Variants in NTRK2 observed in about 807,000 individuals in gnomAD.
NTRK2 encodes the protein neurotrophic receptor tyrosine kinase 2, also known as BDNF/NT-3 growth factors receptor.
Under a neutral mutation model 94.5 loss-of-function variants are expected in NTRK2, and 13 were observed. The ratio of observed to expected loss-of-function variants is 0.14; its 90% CI spans 0.09 to 0.22. The LOEUF (loss-of-function observed/expected upper bound fraction) is 0.22, where lower values mean the gene tolerates loss of function less well. Among genes scored for constraint, NTRK2 ranks in the 10% least tolerant of loss-of-function variants. NTRK2 has a pLI of 1.00. For missense variants in NTRK2, 639 were observed against 1,071.2 expected, an observed-to-expected ratio of 0.60 and a Z score of 5.63; for synonymous variants, 372 against 407.4, an observed-to-expected ratio of 0.91 and a Z score of 1.05.
chr9:85,017,899 C>T (rs1250322520), intron 17 of NTRK2, among the ~76,000 whole-genome samples: 1 of 152,044 alleles, frequency 6.6e-6, no homozygotes, highest in Admixed American at 6.5e-5. Flanking sequence ...CTGACATGAA[C>T]AATGATGAAA....
At chr9:84,704,074 A>T (rs2060893035) in intron 4 of NTRK2, among the ~76,000 whole-genome samples, 1 of 152,184 alleles carries the variant, frequency 6.6e-6, no homozygotes, top group Non-Finnish European at 1.5e-5. Context: ...TGTGATTTGG[A>T]CAGTGGGCTC....
chr9:84,971,179 A>G (rs1173158828), intron 17 of NTRK2, among the ~76,000 whole-genome samples: 3 of 152,242 alleles, frequency 2.0e-5, no homozygotes, highest in Non-Finnish European at 4.4e-5. Context: ...GAAAGAATCA[A>G]AATAGGAATT....
chr9:84,864,382 AGGCTACACATTGGGTAC>A (rs1173312786), intron 13 of NTRK2, among the ~76,000 whole-genome samples: 10 of 152,152 alleles, frequency 6.6e-5, no homozygotes, highest in Non-Finnish European at 1.3e-4. Flanking sequence ...GAGGGATAAA[AGGCTACACATTGGGTAC>A]GGTGTTGCTG....
At chr9:84,681,413 C>A (rs1469774336) in intron 2 of NTRK2, among the ~76,000 whole-genome samples, 2 of 152,114 alleles carry the variant, frequency 1.3e-5, no homozygotes, top group East Asian at 3.8e-4. Flanking sequence ...TTTCCTAAAT[C>A]TAATTTTTAA....
chr9:85,007,517 G>A (rs1461746406), intron 17 of NTRK2, among the ~76,000 whole-genome samples: 2 of 152,190 alleles, frequency 1.3e-5, no homozygotes, highest in Non-Finnish European at 2.9e-5. Flanking sequence ...AAGGAAAATG[G>A]GGAGTGATTG....
rs143443364 is a variant in NTRK2 at position 85,022,960 on chromosome 9, G to C, written c.*1523G>C. On this transcript the variant is annotated 3_prime_UTR_variant, in exon 19 of 19. Coordinates refer to ENST00000277120, the MANE Select transcript of NTRK2 (RefSeq NM_006180.6). The stretch of plus-strand genomic sequence containing the variant: ...ACACAGGTCAAGTCCCTTGCTCTGG[G>C]CTCTAGTTGGGAGAGTGGTTTCATT... The C allele has an allele frequency of 6.0e-5, 14 of 233,188 alleles. No individual in the cohort carries two copies. Among genetic ancestry groups the C allele is most frequent in the Non-Finnish European group, 1.1e-4 (13 of 118,008 alleles). 14.4% of individuals were successfully genotyped at this position (233,188 alleles called of 1,614,324 possible).
intron 2 of NTRK2, among the ~76,000 whole-genome samples, chr9:84,687,066 T>C (rs1018259672): frequency 2.2e-4 from 33 of 152,304 alleles, no homozygotes; most frequent in African/African-American, 7.5e-4. Context: ...ATGGGAATTA[T>C]GTATTTGACG....
At chr9:85,020,430 GC>G (rs1331831698) in intron 18 of NTRK2, 66 bp downstream of exon 18, 2 of 1,572,434 alleles carry the variant, frequency 1.3e-6, no homozygotes, top group Non-Finnish European at 1.7e-6. Flanking sequence ...ATTGGCTGGG[GC>G]CTTGTTTTGG....
chr9:84,873,499 C>G, intron 14 of NTRK2: 1 of 1,059,216 alleles, frequency 9.4e-7, no homozygotes, highest in Non-Finnish European at 1.1e-6. Context: ...CTCTCAGTGC[C>G]ACGGCCCCCC....
intron 15 of NTRK2, among the ~76,000 whole-genome samples, chr9:84,947,097 A>G (rs1298830777): frequency 6.6e-6 from 1 of 152,164 alleles, no homozygotes; most frequent in Non-Finnish European, 1.5e-5. Flanking sequence ...CTGGAATTAC[A>G]GGCACACACC....
chr9:84,675,758 A>G (rs764274999), intron 2 of NTRK2, among the ~76,000 whole-genome samples: 1 of 152,168 alleles, frequency 6.6e-6, no homozygotes, highest in African/African-American at 2.4e-5. Context: ...GAGCTATTTT[A>G]AAACAAATCC....
In NTRK2 at chr9:84,937,743, T is replaced by A. The variant is rs2078260693; in HGVS notation, c.1764+3451T>A. Among the ~76,000 whole-genome samples, 3 of 152,196 alleles carry A rather than the reference T, an allele frequency of 2.0e-5. No homozygotes were observed. The South Asian group carries it at 6.2e-4, about 32-fold the overall frequency. On this transcript the variant is annotated intron_variant, in intron 15 of 18. Coordinates refer to ENST00000277120, the MANE Select transcript of NTRK2 (RefSeq NM_006180.6). The stretch of plus-strand genomic sequence containing the variant: ...CAGTCTTTGATCAAACTGAGTTACT[T>A]TACCTTTAAGTAAGTCAATTGCCAA...
At chr9:84,858,404 G>A (rs769061418) in intron 12 of NTRK2, among the ~76,000 whole-genome samples, 1 of 150,992 alleles carries the variant, frequency 6.6e-6, no homozygotes, top group Non-Finnish European at 1.5e-5. Flanking sequence ...CTCTTGACTT[G>A]GCCCTTACTT....
Position 84,944,213 on chromosome 9 carries a change from T to TCACACACACACA in NTRK2, c.1765-4248_1765-4247insACACACACACAC, listed in dbSNP as rs1238064532. On this transcript the variant is annotated intron_variant, in intron 15 of 18. Coordinates refer to ENST00000277120, the MANE Select transcript of NTRK2 (RefSeq NM_006180.6). Reference sequence around the variant, plus strand: ...CTTGTTCTCTCTCTCTCTCTCTCTCTCTCACACACACACACACACACACAC... The same window carrying TCACACACACACA: ...CTTGTTCTCTCTCTCTCTCTCTCTCTCACACACACACACTCACACACACACACACACACACAC... 5.9e-3 allele frequency among the ~76,000 whole-genome samples: 803 copies of TCACACACACACA among 136,758 alleles called. 2 individuals are homozygous for TCACACACACACA. Among genetic ancestry groups the TCACACACACACA allele is most frequent in the Non-Finnish European group, 9.7e-3 (629 of 64,584 alleles). The allele number at this position is 136,758 out of a possible 152,430, so 89.7% of individuals were successfully genotyped here. A position where few individuals can be genotyped will look rare whatever the true frequency, so the allele number is the denominator to read the frequency against.
At chr9:84,779,131 G>A (rs1485942123) in intron 12 of NTRK2, among the ~76,000 whole-genome samples, 2 of 152,092 alleles carry the variant, frequency 1.3e-5, no homozygotes, top group Middle Eastern at 3.2e-3. Context: ...AGGTCTCTGG[G>A]CACATGGACA....
intron 17 of NTRK2, among the ~76,000 whole-genome samples, chr9:84,972,020 T>A (rs1380790363): frequency 6.6e-6 from 1 of 152,152 alleles, no homozygotes; most frequent in African/African-American, 2.4e-5. Context: ...AAGTTTAAAG[T>A]GATTTTAAGT....
intron 17 of NTRK2, among the ~76,000 whole-genome samples, chr9:84,971,650 T>A (rs975040411): frequency 2.0e-5 from 3 of 152,178 alleles, no homozygotes; most frequent in Non-Finnish European, 4.4e-5. Flanking sequence ...ATGCTGAGGA[T>A]TTTTTGTGAT....
chr9:84,860,634 A>G (rs569427542), intron 12 of NTRK2, among the ~76,000 whole-genome samples: 2 of 152,020 alleles, frequency 1.3e-5, no homozygotes, highest in South Asian at 4.2e-4. Flanking sequence ...GTGTGTCTTC[A>G]CCCCTGCAGC....
At chr9:84,948,751 A>T in intron 16 of NTRK2, 117 bp downstream of exon 16, 2 of 818,154 alleles carry the variant, frequency 2.4e-6, no homozygotes, top group Non-Finnish European at 2.0e-6. Flanking sequence ...ATCTTATTTG[A>T]TAATGACACC....
Sources: allele counts gnomAD v4.1 joint callset (sites outside exome capture counted in the v4.1 genomes callset), GRCh38; gene constraint gnomAD v4.1.1; transcripts MANE v1.5; gene names NCBI Gene and HGNC (gene_info 2026-07-23, HGNC 2026-07-21).